The following PCDHGC3 variants were observed in gnomAD, a reference collection of about 807,000 sequenced individuals.
PCDHGC3 encodes the protein protocadherin gamma subfamily C, 3, also known as protocadherin gamma-C3.
A neutral mutation model predicts 59.2 loss-of-function variants in PCDHGC3; 26 were observed. That is an observed-to-expected ratio of 0.44 (90% CI 0.32 to 0.61). PCDHGC3 has a LOEUF of 0.61. Among genes scored for constraint, PCDHGC3 ranks in the 20% least tolerant of loss-of-function variants. PCDHGC3 has a pLI of 0.05. For missense variants in PCDHGC3, 1,080 were observed against 1,221.8 expected, an observed-to-expected ratio of 0.88 and a Z score of 1.73; for synonymous variants, 487 against 519.7, an observed-to-expected ratio of 0.94 and a Z score of 0.86.
Position 141,490,611 on chromosome 5 carries a change from G to GCTTTA in PCDHGC3, c.2431-4194_2431-4190dup. On this transcript the variant is annotated intron_variant, in intron 1 of 3. Coordinates refer to ENST00000308177, the MANE Select transcript of PCDHGC3 (RefSeq NM_002588.4). The surrounding 1 kb of genome is among the most constrained non-coding windows in gnomAD (Gnocchi z 5.4). The stretch of plus-strand genomic sequence containing the variant: ...ACAATGCACCCCGCTTCAACCAGCA[G>GCTTTA]CTTTACACTGCTTACATCCTAGAAA... 6.2e-7 allele frequency: 1 copy of GCTTTA among 1,614,170 alleles called. No individual in the cohort carries two copies. Among genetic ancestry groups the GCTTTA allele is most frequent in the Non-Finnish European group, 8.5e-7 (1 of 1,180,036 alleles).
At chr5:141,492,121 C>G (rs1205499685) in intron 1 of PCDHGC3, among the ~76,000 whole-genome samples, 1 of 152,232 alleles carries the variant, frequency 6.6e-6, no homozygotes, top group Non-Finnish European at 1.5e-5. Context: ...CGATTTCTCC[C>G]CAGCTCCCAG....
rs2099391747 is a variant in PCDHGC3 at position 141,476,440 on chromosome 5, G to A, written c.324G>A (p.Leu108=). Reference sequence around the variant, plus strand: ...CACTGCCCTCTTGCACTGTAACTCTGGAGTTGGTAGTGGAGAACCCGCTGG... The same window carrying A: ...CACTGCCCTCTTGCACTGTAACTCTAGAGTTGGTAGTGGAGAACCCGCTGG... ...CGTLPSCTVT[L]ELVVENPLEL... Residue 108 remains leucine (L), a synonymous_variant, in exon 1 of 4, where the codon CTG becomes CTA. Transcript: ENST00000308177. The surrounding 1 kb of genome is among the most constrained non-coding windows in gnomAD (Gnocchi z 7.6). 1.2e-6 allele frequency: 2 copies of A among 1,613,998 alleles called. No individual in the cohort carries two copies. Among genetic ancestry groups the A allele is most frequent in the African/African-American group, 2.7e-5 (2 of 74,902 alleles).
chr5:141,475,983 C>A lies in PCDHGC3; in HGVS notation c.-134C>A. 9.5e-7 allele frequency: 1 copy of A among 1,049,244 alleles called. No homozygotes were observed. The highest frequency in any genetic ancestry group is 1.4e-6 in the Non-Finnish European group (1 of 727,128). 65.0% of individuals were successfully genotyped at this position (1,049,244 alleles called of 1,614,324 possible). On this transcript the variant is annotated 5_prime_UTR_variant, in exon 1 of 4. Coordinates refer to ENST00000308177, the MANE Select transcript of PCDHGC3 (RefSeq NM_002588.4). Reference sequence around the variant, plus strand: ...GATGAGGCAGAGACTGAACAGCCGGCGAGCAAATCAACGGCATCCAGAAAG... The same window carrying A: ...GATGAGGCAGAGACTGAACAGCCGGAGAGCAAATCAACGGCATCCAGAAAG...
rs749937052 is a variant in PCDHGC3, at chr5:141,490,441, G to A, written c.2431-4366G>A. ...CCTGCCATTTCAGATTAAGCCTTCT[G>A]AGAACCACTACTCGCTGCTAACCAG... On this transcript the variant is annotated intron_variant, in intron 1 of 3. Coordinates refer to ENST00000308177, the MANE Select transcript of PCDHGC3 (RefSeq NM_002588.4). The surrounding 1 kb of genome is among the most constrained non-coding windows in gnomAD (Gnocchi z 5.4). The A allele has an allele frequency of 9.3e-6, 15 of 1,614,208 alleles. No homozygotes were observed. The highest frequency in any genetic ancestry group is 1.2e-5 in the Non-Finnish European group (14 of 1,180,042).
In PCDHGC3 at chr5:141,486,444, T is replaced by C. The variant is rs769032995; in HGVS notation, c.2430+7898T>C. 2 of 1,614,086 alleles carry C rather than the reference T, an allele frequency of 1.2e-6. No individual in the cohort carries two copies. On this transcript the variant is annotated intron_variant, in intron 1 of 3. Transcript: ENST00000308177. This position sits in a 1 kb window ranked among gnomAD's most constrained non-coding sequence, Gnocchi z 5.0. ...GAGGCCAAATCTAGCTATGACATCA[T>C]GGTCACTGCTTCTGATGCTGGGAAC...
At position 141,478,736 on chromosome 5, in the gene PCDHGC3, T is replaced by G; in HGVS notation, c.2430+190T>G. On this transcript the variant is annotated intron_variant, in intron 1 of 3. Coordinates refer to ENST00000308177, the MANE Select transcript of PCDHGC3 (RefSeq NM_002588.4). Reference sequence around the variant, plus strand: ...TGGTGGCCTGCCAGAGTGTGGTTTGTGGTCCCATTTCAGGGGGAAGATACT... The same window carrying G: ...TGGTGGCCTGCCAGAGTGTGGTTTGGGGTCCCATTTCAGGGGGAAGATACT... 5 of 1,534,796 alleles carry G rather than the reference T, an allele frequency of 3.3e-6. No homozygotes were observed. In the South Asian group the frequency reaches 6.2e-5, roughly 19 times the overall value.
intron 1 of PCDHGC3, among the ~76,000 whole-genome samples, chr5:141,479,817 A>T (rs773702225): frequency 6.6e-6 from 1 of 152,230 alleles, no homozygotes; most frequent in Non-Finnish European, 1.5e-5. Flanking sequence ...CAAGGATACT[A>T]TCCAAGGCAT....
rs1349935659 is a variant in PCDHGC3 at position 141,507,722 on chromosome 5, A to C, written c.2578+2241A>C. 6.6e-5 allele frequency among the ~76,000 whole-genome samples: 10 copies of C among 152,354 alleles called. No homozygotes were observed. In the East Asian group the frequency reaches 1.9e-3, roughly 29 times the overall value. ...ATTTATGGCCCCAAACCCTCCAAGC[A>C]AGTCATGCAGCTCGTTCCCCTGTCA... On this transcript the variant is annotated intron_variant, in intron 3 of 3. Coordinates refer to ENST00000308177, the MANE Select transcript of PCDHGC3 (RefSeq NM_002588.4).
In PCDHGC3 at chr5:141,489,185, T is replaced by G; in HGVS notation, c.2431-5622T>G. The G allele has an allele frequency of 7.8e-7, 1 of 1,286,838 alleles. No individual in the cohort carries two copies. The highest frequency in any genetic ancestry group is 1.5e-5 in the African/African-American group (1 of 67,216). 79.7% of individuals were successfully genotyped at this position (1,286,838 alleles called of 1,614,324 possible). On this transcript the variant is annotated intron_variant, in intron 1 of 3. Transcript: ENST00000308177. The surrounding 1 kb of genome is among the most constrained non-coding windows in gnomAD (Gnocchi z 4.5). The stretch of plus-strand genomic sequence containing the variant: ...CAGCTGCTGCATTCCAAGCCCTGGG[T>G]CTACCTTGGAGACAGGACAGCACAG...
intron 3 of PCDHGC3, among the ~76,000 whole-genome samples, chr5:141,507,891 C>A (rs1031803854): frequency 6.6e-6 from 1 of 152,208 alleles, no homozygotes; most frequent in African/African-American, 2.4e-5. Flanking sequence ...AGAGAGGTTC[C>A]TGAAGTCCAG....
chr5:141,496,523 G>T (rs1159517569), intron 2 of PCDHGC3, among the ~76,000 whole-genome samples: 1 of 152,128 alleles, frequency 6.6e-6, no homozygotes, highest in Non-Finnish European at 1.5e-5. Context: ...GGAGCCCTTG[G>T]TGTATGGCAG....
Position 141,491,067 on chromosome 5 carries a change from G to A in PCDHGC3, c.2431-3740G>A, listed in dbSNP as rs752758445. On this transcript the variant is annotated intron_variant, in intron 1 of 3. Coordinates refer to ENST00000308177, the MANE Select transcript of PCDHGC3 (RefSeq NM_002588.4). This position sits in a 1 kb window ranked among gnomAD's most constrained non-coding sequence, Gnocchi z 6.9. ...ACAATGCGTGGCTCTCCTACTCACT[G>A]TTGCCACAGTCCACAGCCCCAGGAC... is the stretch of plus-strand genomic sequence containing the variant. 6.2e-7 allele frequency: 1 copy of A among 1,614,200 alleles called. No individual in the cohort carries two copies. Among genetic ancestry groups the A allele is most frequent in the East Asian group, 2.2e-5 (1 of 44,892 alleles).
chr5:141,491,327 T>C lies in PCDHGC3; in HGVS notation c.2431-3480T>C, dbSNP rs1422115943. ...TCAGACCTTACCCTTTACCTCATTG[T>C]GGCTCTAGCGACCGTCAGTCTCTTA... is the stretch of plus-strand genomic sequence containing the variant. On this transcript the variant is annotated intron_variant, in intron 1 of 3. Coordinates refer to ENST00000308177, the MANE Select transcript of PCDHGC3 (RefSeq NM_002588.4). This position sits in a 1 kb window ranked among gnomAD's most constrained non-coding sequence, Gnocchi z 6.9. 5.6e-6 allele frequency: 9 copies of C among 1,614,098 alleles called. No homozygotes were observed. Among genetic ancestry groups the C allele is most frequent in the Admixed American group, 3.3e-5 (2 of 60,006 alleles).
At position 141,490,460 on chromosome 5, in the gene PCDHGC3, TA is replaced by T. The variant is rs1393913480; in HGVS notation, c.2431-4345del. 1.2e-6 allele frequency: 2 copies of T among 1,614,094 alleles called. No individual in the cohort carries two copies. The highest frequency in any genetic ancestry group is 1.7e-6 in the Non-Finnish European group (2 of 1,180,048). On this transcript the variant is annotated intron_variant, in intron 1 of 3. Coordinates refer to ENST00000308177, the MANE Select transcript of PCDHGC3 (RefSeq NM_002588.4). The surrounding 1 kb of genome is among the most constrained non-coding windows in gnomAD (Gnocchi z 5.4). ...CCTTCTGAGAACCACTACTCGCTGC[TA>T]ACCAGCCAGCCTTTGGACCGGGAGG... is the stretch of plus-strand genomic sequence containing the variant.
chr5:141,478,164 C>G lies in PCDHGC3; in HGVS notation c.2048C>G (p.Pro683Arg), dbSNP rs202185809. The change falls in exon 1 of 4, where the codon CCC (proline) becomes CGC (arginine). Residue 683 changes from proline (P) to arginine (R), a missense_variant. Transcript: ENST00000308177. Reference sequence around the variant, plus strand: ...GCCGAGTTCCCCTCTGGCTCTGCCCCCCGGGAGCAGAAAAAAAATCTCACC... The same window carrying G: ...GCCGAGTTCCCCTCTGGCTCTGCCCGCCGGGAGCAGAAAAAAAATCTCACC... ...ARAEFPSGSA[P>R]REQKKNLTFY... The G allele has an allele frequency of 1.0e-4, 167 of 1,613,890 alleles. No homozygotes were observed. Among genetic ancestry groups the G allele is most frequent in the Non-Finnish European group, 1.3e-4 (157 of 1,180,048 alleles).
chr5:141,478,748 A>G (rs2099474609), intron 1 of PCDHGC3: 2 of 1,525,644 alleles, frequency 1.3e-6, no homozygotes, highest in African/African-American at 1.4e-5. Context: ...GTCCCATTTC[A>G]GGGGGAAGAT....
At chr5:141,509,758 C>T (rs574741134) in intron 3 of PCDHGC3, among the ~76,000 whole-genome samples, 17 of 152,202 alleles carry the variant, frequency 1.1e-4, no homozygotes. Flanking sequence ...CTAAAGTGTC[C>T]CTGAGATGTC....
chr5:141,498,273 A>G (rs1595516143), intron 2 of PCDHGC3, among the ~76,000 whole-genome samples: 1 of 152,038 alleles, frequency 6.6e-6, no homozygotes, highest in East Asian at 1.9e-4. Flanking sequence ...TCTTCAGTAA[A>G]CTTGGTTCAA....
chr5:141,480,407 C>T (rs906445993), intron 1 of PCDHGC3, among the ~76,000 whole-genome samples: 1 of 139,782 alleles, frequency 7.2e-6, no homozygotes, highest in Admixed American at 7.0e-5. Context: ...AGAGTGAGAC[C>T]CTGTCTCAAA....
Sources: gnomAD v4.1 joint callset for allele counts (sites outside exome capture counted in the v4.1 genomes callset) on GRCh38, gnomAD v4.1.1 for gene constraint, Gnocchi (gnomAD v3.1) non-coding constraint, MANE v1.5 for transcripts, NCBI Gene and HGNC (gene_info 2026-07-23, HGNC 2026-07-21) for gene names.